The following LARGE1 variants were observed in gnomAD, a reference collection of about 807,000 sequenced individuals.
The protein encoded by LARGE1 is xylosyl- and glucuronyltransferase LARGE1.
Under a neutral mutation model 87.6 loss-of-function variants are expected in LARGE1, and 43 were observed. That is an observed-to-expected ratio of 0.49 (90% CI 0.38 to 0.63). LARGE1 has a LOEUF of 0.63. Among genes scored for constraint, LARGE1 ranks in the 30% least tolerant of loss-of-function variants. LARGE1 has a pLI of 0.00. For missense variants in LARGE1, 802 were observed against 1,000.2 expected (o/e 0.80, Z 2.67); for synonymous variants, 434 against 394.6 (o/e 1.10, Z -1.18).
chr22:33,728,517 C>A (rs1225381336), intron 2 of LARGE1, among the ~76,000 whole-genome samples: 1 of 116,410 alleles, frequency 8.6e-6, no homozygotes, highest in Non-Finnish European at 1.6e-5. Flanking sequence ...ACAGCCTGGG[C>A]AACAAAGCGA....
At chr22:33,731,104 G>A (rs542293959) in intron 2 of LARGE1, among the ~76,000 whole-genome samples, 3 of 150,600 alleles carry the variant, frequency 2.0e-5, no homozygotes, top group Admixed American at 1.3e-4. Context: ...CCGGGTTCAC[G>A]CCATTCTCCT....
chr22:33,330,243 G>C (rs762360738), intron 10 of LARGE1, among the ~76,000 whole-genome samples: 1 of 152,156 alleles, frequency 6.6e-6, no homozygotes, highest in Non-Finnish European at 1.5e-5. Context: ...TAGAAAAAAC[G>C]GTAGAGAATA....
chr22:33,502,629 C>T (rs149781979), intron 6 of LARGE1, among the ~76,000 whole-genome samples: 27,251 of 151,782 alleles, frequency 0.18, 3,301 homozygotes, highest in East Asian at 0.33. Context: ...AGTGCAGTGG[C>T]GTGATCTCGG....
chr22:33,549,314 A>G (rs2077453523), intron 6 of LARGE1, among the ~76,000 whole-genome samples: 1 of 152,206 alleles, frequency 6.6e-6, no homozygotes, highest in East Asian at 1.9e-4. Context: ...AGGAGGAAAA[A>G]AAAGTTGTGT....
the LARGE1 span, among the ~76,000 whole-genome samples, chr22:33,138,528 C>G: frequency 6.6e-6 from 1 of 151,948 alleles, no homozygotes; most frequent in Non-Finnish European, 1.5e-5. Flanking sequence ...ACTGCAACCT[C>G]CACCTGCTAG....
In LARGE1 at chr22:33,576,817, T is replaced by C. The variant is rs577374435; in HGVS notation, c.616-11798A>G. On this transcript the variant is annotated intron_variant, in intron 5 of 14. Transcript: ENST00000397394. The stretch of plus-strand genomic sequence containing the variant: ...AAATCATCCCTAGAGTGCTTATTAA[T>C]ACCTAATGCAATGTAAATACTATGT... 2.6e-5 allele frequency among the ~76,000 whole-genome samples: 4 copies of C among 152,320 alleles called. No individual in the cohort carries two copies. In the South Asian group the frequency reaches 8.3e-4, roughly 32 times the overall value.
At chr22:33,137,675 A>G in the LARGE1 span, among the ~76,000 whole-genome samples, 1 of 152,090 alleles carries the variant, frequency 6.6e-6, no homozygotes, top group Non-Finnish European at 1.5e-5. Context: ...GGACAGGCCC[A>G]GGGTCCCTGT....
intron 6 of LARGE1, among the ~76,000 whole-genome samples, chr22:33,500,982 G>T (rs978670884): frequency 8.5e-5 from 13 of 152,162 alleles, no homozygotes; most frequent in Non-Finnish European, 1.9e-4. Context: ...AGTGAAAAGG[G>T]TTTAGAGACT....
intron 1 of LARGE1, among the ~76,000 whole-genome samples, chr22:33,855,896 GC>G (rs2063742193): frequency 2.0e-5 from 3 of 152,220 alleles, no homozygotes; most frequent in South Asian, 4.1e-4. Context: ...CTCTTCACAT[GC>G]CCCCTTTTTA....
At chr22:33,333,119 G>T (rs112447117) in intron 10 of LARGE1, among the ~76,000 whole-genome samples, 19,184 of 151,256 alleles carry the variant, frequency 0.13, 3,021 homozygotes, top group African/African-American at 0.38. Flanking sequence ...CCATTCTCCT[G>T]CCTCAGCCTC....
At chr22:33,235,455 T>C (rs1191810825) in intron 11 of LARGE1, among the ~76,000 whole-genome samples, 2 of 152,244 alleles carry the variant, frequency 1.3e-5, no homozygotes, top group African/African-American at 4.8e-5. Context: ...GGCCCCGAGT[T>C]TGGGACAAGC....
chr22:33,103,289 C>T, the LARGE1 span, among the ~76,000 whole-genome samples: 2 of 151,812 alleles, frequency 1.3e-5, no homozygotes, highest in African/African-American at 4.8e-5. Flanking sequence ...AAAAATTAGC[C>T]GGGCGTGGTG....
chr22:33,137,192 C>T, the LARGE1 span: 1 of 152,188 alleles, frequency 6.6e-6, no homozygotes, highest in Non-Finnish European at 1.5e-5. Context: ...CTCTTCCTTT[C>T]AAGCCCATCA....
the LARGE1 span, among the ~76,000 whole-genome samples, chr22:33,142,680 T>G: frequency 1.3e-5 from 2 of 152,212 alleles, no homozygotes; most frequent in Non-Finnish European, 2.9e-5. Flanking sequence ...TGGTATGCAT[T>G]GGTCATTTTC....
intron 12 of LARGE1, among the ~76,000 whole-genome samples, chr22:33,299,567 G>C (rs925550892): frequency 6.6e-6 from 1 of 152,218 alleles, no homozygotes; most frequent in Admixed American, 6.5e-5. Flanking sequence ...GTTTGCAATG[G>C]CGGGGGTTGG....
At chr22:33,156,944 G>A in the LARGE1 span, among the ~76,000 whole-genome samples, 2 of 152,152 alleles carry the variant, frequency 1.3e-5, no homozygotes. Flanking sequence ...TTTTAAAAAT[G>A]GGAGTCTCCC....
At chr22:33,573,547 C>T (rs974999917) in intron 5 of LARGE1, among the ~76,000 whole-genome samples, 1 of 152,146 alleles carries the variant, frequency 6.6e-6, no homozygotes, top group Non-Finnish European at 1.5e-5. Context: ...TTATGGAACA[C>T]CTTAATATGG....
chr22:33,253,043 C>T (rs759665809), intron 11 of LARGE1, among the ~76,000 whole-genome samples: 4 of 152,030 alleles, frequency 2.6e-5, no homozygotes, highest in South Asian at 2.1e-4. Context: ...GAAGGTGTGA[C>T]GTGGAATGTA....
chr22:33,126,872 G>C, the LARGE1 span, among the ~76,000 whole-genome samples: 1 of 152,246 alleles, frequency 6.6e-6, no homozygotes, highest in Non-Finnish European at 1.5e-5. Context: ...ATTGGAAGAT[G>C]AAGGCCAAAT....
Sources: gnomAD v4.1 joint callset for allele counts (sites outside exome capture counted in the v4.1 genomes callset) on GRCh38, gnomAD v4.1.1 for gene constraint, MANE v1.5 for transcripts, NCBI Gene and HGNC (gene_info 2026-07-23, HGNC 2026-07-21) for gene names.